Variants in DNAJC13 observed in about 807,000 individuals in gnomAD.
DNAJC13 encodes dnaJ homolog subfamily C member 13.
A neutral mutation model predicts 290.5 loss-of-function variants in DNAJC13; 75 were observed. The observed-to-expected ratio is 0.26, with a 90% CI of 0.21 to 0.31. The LOEUF is 0.31. Ranked by LOEUF, DNAJC13 falls within the 10% of genes least tolerant of loss-of-function variation. The pLI is 1.00. For synonymous variants in DNAJC13, 862 were observed against 892.0 expected, an observed-to-expected ratio of 0.97 and a Z score of 0.60; for missense variants, 2,260 against 2,674.5, an observed-to-expected ratio of 0.85 and a Z score of 3.42.
chr3:132,494,227 T>C lies in DNAJC13; in HGVS notation c.3909T>C (p.Tyr1303=), dbSNP rs1444300505. 6.2e-7 allele frequency: 1 copy of C among 1,613,270 alleles called. No individual in the cohort carries two copies. The highest frequency in any genetic ancestry group is 8.5e-7 in the Non-Finnish European group (1 of 1,179,580). ...CTATGATGTCAATAGATGATGCTTA[T>C]GAAGTGCTTAATCTGCCTCAAGGAC... is the stretch of plus-strand genomic sequence containing the variant. The part of the protein sequence containing the change: ...KPPMMSIDDA[Y]EVLNLPQGQG... Residue 1303 remains tyrosine, a synonymous_variant, in exon 34 of 56, where the codon TAT becomes TAC. Coordinates refer to ENST00000260818, the MANE Select transcript of DNAJC13 (RefSeq NM_015268.4).
chr3:132,470,868 A>T (rs1451341850), intron 20 of DNAJC13, among the ~76,000 whole-genome samples: 1 of 94,320 alleles, frequency 1.1e-5, no homozygotes, highest in Non-Finnish European at 2.1e-5. Context: ...CCTCCCGGAC[A>T]GGGCGGCCGG....
Position 132,499,195 on chromosome 3 carries a change from A to G in DNAJC13, c.4226A>G (p.Asp1409Gly), listed in dbSNP as rs2107716516. ...IRTITMETSDDLLFSKESPLL... is the reference protein window; with the variant it reads ...IRTITMETSDGLLFSKESPLL... ...ACTATAACAATGGAAACTTCAGATG[A>G]CCTCCTTTTCTCAAAAGAATCACCA... Residue 1409 changes from aspartate (D) to glycine (G), a missense_variant, in exon 37 of 56, where the codon GAC becomes GGC. By Grantham distance (94) the Asp-to-Gly change is moderately conservative. Around this residue, in one of 3 missense-constraint regions of DNAJC13, gnomAD observed 1,494 missense variants for 1,693.7 expected, o/e 0.88. Coordinates refer to ENST00000260818, the MANE Select transcript of DNAJC13 (RefSeq NM_015268.4). 6.2e-7 allele frequency: 1 copy of G among 1,613,924 alleles called. No individual in the cohort carries two copies. The highest frequency in any genetic ancestry group is 8.5e-7 in the Non-Finnish European group (1 of 1,179,918).
chr3:132,466,410 C>T lies in DNAJC13; in HGVS notation c.2064+16C>T, dbSNP rs1477119975. On this transcript the variant is annotated intron_variant, in intron 19 of 55. Coordinates refer to ENST00000260818, the MANE Select transcript of DNAJC13 (RefSeq NM_015268.4). The stretch of plus-strand genomic sequence containing the variant: ...AATAGCAATGGTAAATATGACTGTC[C>T]CAAGTGTGCCTTTTTTAGGAGTAAG... The T allele has an allele frequency of 2.6e-6, 4 of 1,556,836 alleles. No individual in the cohort carries two copies. The highest frequency in any genetic ancestry group is 2.8e-5 in the African/African-American group (2 of 72,274).
intron 41 of DNAJC13, among the ~76,000 whole-genome samples, chr3:132,503,979 T>TAAA (rs575646791): frequency 4.3e-4 from 62 of 144,786 alleles, no homozygotes; most frequent in African/African-American, 9.2e-4. Context: ...CCTTTAATTA[T>TAAA]AAAAAAAAAA....
At chr3:132,484,867 G>A (rs1049807825) in intron 29 of DNAJC13, among the ~76,000 whole-genome samples, 195 bp downstream of exon 29, 1 of 151,978 alleles carries the variant, frequency 6.6e-6, no homozygotes, top group Non-Finnish European at 1.5e-5. Flanking sequence ...CAAGGAGTTC[G>A]AGACCACTTT....
intron 36 of DNAJC13, among the ~76,000 whole-genome samples, chr3:132,498,850 G>A (rs1165704128): frequency 6.6e-6 from 1 of 151,926 alleles, no homozygotes; most frequent in Non-Finnish European, 1.5e-5. Flanking sequence ...CGAGTAGCTG[G>A]GACTACAGGT....
At chr3:132,472,509 CTCTTTT>C in intron 20 of DNAJC13, 1 of 956,350 alleles carries the variant, frequency 1.0e-6, no homozygotes, top group Non-Finnish European at 1.2e-6. Flanking sequence ...TAGGCTCATT[CTCTTTT>C]TATTTTCTTT....
At chr3:132,437,903 T>C (rs1168524718) in intron 2 of DNAJC13, among the ~76,000 whole-genome samples, 1 of 151,910 alleles carries the variant, frequency 6.6e-6, no homozygotes, top group East Asian at 1.9e-4. Context: ...GTACAAAAAT[T>C]AGTTGGGCAT....
chr3:132,450,796 C>G lies in DNAJC13; in HGVS notation c.486C>G (p.Leu162=). The change falls in exon 6 of 56, where the codon CTC becomes CTG. Residue 162 remains leucine, a synonymous_variant. Coordinates refer to ENST00000260818, the MANE Select transcript of DNAJC13 (RefSeq NM_015268.4). The part of the protein sequence containing the change: ...DYRNIEGFVD[L]SDYQGGFCIL... ...GAAATATTGAAGGATTTGTAGATCT[C>G]TCAGATTATCAAGGAGGATTTTGTA... 7.5e-6 allele frequency: 12 copies of G among 1,604,760 alleles called. No individual in the cohort carries two copies. The highest frequency in any genetic ancestry group is 1.0e-5 in the Non-Finnish European group (12 of 1,172,816).
chr3:132,525,487 G>A (rs1559913382), intron 51 of DNAJC13, 123 bp from the exon 52 acceptor site: 1 of 941,066 alleles, frequency 1.1e-6, no homozygotes, highest in African/African-American at 1.7e-5. Context: ...TAGTGAATCT[G>A]TTTTCAAGTA....
intron 42 of DNAJC13, 71 bp downstream of exon 42, chr3:132,505,486 AT>A: frequency 1.0e-6 from 1 of 996,324 alleles, no homozygotes; most frequent in Non-Finnish European, 1.5e-6. Context: ...AGCAGTATTG[AT>A]TAGAACAGAA....
Position 132,483,585 on chromosome 3 carries a change from G to A in DNAJC13, c.3182+8G>A, listed in dbSNP as rs1432988910. 2.5e-6 allele frequency: 4 copies of A among 1,612,122 alleles called. No individual in the cohort carries two copies. Among genetic ancestry groups the A allele is most frequent in the Non-Finnish European group, 3.4e-6 (4 of 1,178,240 alleles). On this transcript the variant is annotated splice_region_variant and intron_variant, in intron 28 of 55. Coordinates refer to ENST00000260818, the MANE Select transcript of DNAJC13 (RefSeq NM_015268.4). ...TGGATATTTTCCAAGCAGGTAAAAT[G>A]TAATTGAATGTTTCCATGGTTAATT...
intron 5 of DNAJC13, among the ~76,000 whole-genome samples, chr3:132,449,130 C>T (rs1933345923): frequency 6.6e-6 from 1 of 152,140 alleles, no homozygotes; most frequent in Admixed American, 6.5e-5. Flanking sequence ...AAAGTGACAC[C>T]TGTATTGTCC....
intron 1 of DNAJC13, among the ~76,000 whole-genome samples, chr3:132,423,648 G>A (rs1257461931): frequency 6.6e-6 from 1 of 152,202 alleles, no homozygotes; most frequent in Non-Finnish European, 1.5e-5. Flanking sequence ...CACAGAAGAG[G>A]TAGGAATAAT....
chr3:132,502,652 T>G (rs1935456723), intron 40 of DNAJC13, among the ~76,000 whole-genome samples, 184 bp downstream of exon 40: 1 of 152,206 alleles, frequency 6.6e-6, no homozygotes, highest in African/African-American at 2.4e-5. Context: ...TGCTTATGCT[T>G]AAAGGATTCC....
At chr3:132,504,278 T>C (rs1174792901) in intron 41 of DNAJC13, among the ~76,000 whole-genome samples, 5 of 151,574 alleles carry the variant, frequency 3.3e-5, no homozygotes, top group Non-Finnish European at 5.9e-5. Flanking sequence ...TCAGTTCCCA[T>C]GTGTGAAAGG....
intron 31 of DNAJC13, among the ~76,000 whole-genome samples, chr3:132,489,933 A>G (rs1299528035): frequency 6.6e-6 from 1 of 152,208 alleles, no homozygotes; most frequent in Non-Finnish European, 1.5e-5. Flanking sequence ...GCCATTATGC[A>G]TATTGTAATT....
intron 20 of DNAJC13, among the ~76,000 whole-genome samples, chr3:132,470,580 T>C (rs1934172156): frequency 1.5e-5 from 2 of 136,414 alleles, no homozygotes; most frequent in East Asian, 2.3e-4. Context: ...GAGGCGCCCC[T>C]CACCTCCCGG....
At chr3:132,530,851 G>A (rs1312356241) in intron 54 of DNAJC13, 147 bp from the exon 55 acceptor site, 1 of 633,614 alleles carries the variant, frequency 1.6e-6, no homozygotes, top group African/African-American at 1.8e-5. Flanking sequence ...CTGCTATGGA[G>A]TGTTTGATGA....
Sources: allele counts gnomAD v4.1 joint callset (sites outside exome capture counted in the v4.1 genomes callset), GRCh38; gene constraint gnomAD v4.1.1; regional missense constraint gnomAD v4.1.1; transcripts MANE v1.5; gene names NCBI Gene and HGNC (gene_info 2026-07-23, HGNC 2026-07-21).